ABCG1: variants seen among roughly 807,000 people sequenced by gnomAD.
The protein encoded by ABCG1 is ATP-binding cassette sub-family G member 1.
In ABCG1, 29 loss-of-function variants were observed where a neutral mutation model predicts 69.2. The ratio of observed to expected loss-of-function variants is 0.42; its 90% CI spans 0.31 to 0.57. ABCG1 has a LOEUF of 0.57. ABCG1 is among the 20% of genes least tolerant of loss of function. The pLI, the probability that ABCG1 is intolerant of heterozygous loss-of-function variation, is 0.15. For missense variants in ABCG1, 718 were observed against 898.1 expected (o/e 0.80, Z 2.56); for synonymous variants, 370 against 374.8 (o/e 0.99, Z 0.15).
At chr21:42,216,924 A>G (rs1893591), upstream of ABCG1, among the ~76,000 whole-genome samples, 1 of 151,962 alleles carries the variant, frequency 6.6e-6, no homozygotes, top group Non-Finnish European at 1.5e-5. Flanking sequence ...CGTGGTGGGG[A>G]TTTTGACCCC....
intron 2 of ABCG1, among the ~76,000 whole-genome samples, chr21:42,233,326 G>A (rs899455992): frequency 6.6e-6 from 1 of 152,172 alleles, no homozygotes; most frequent in Non-Finnish European, 1.5e-5. Flanking sequence ...GGAGCCAAAA[G>A]GAGTCGTGCT....
At chr21:42,216,984 A>T (rs1438744841), upstream of ABCG1, among the ~76,000 whole-genome samples, 5 of 152,134 alleles carry the variant, frequency 3.3e-5, no homozygotes, top group Non-Finnish European at 7.4e-5. Flanking sequence ...TGCAACAGAA[A>T]ATCCAGCAGC....
chr21:42,204,622 A>T lies in ABCG1; in HGVS notation c.48+2899A>T, dbSNP rs549730638. ...ATGTGGTATATAATTTTTAAAATAT[A>T]TTCCTGACTCTGTCTGCTAGTATTT... On this transcript the variant is annotated intron_variant, in intron 2 of 15. Transcript: ENST00000398457. Among the ~76,000 whole-genome samples, 166 of 152,278 alleles carry T rather than the reference A, an allele frequency of 1.1e-3. 1 individual carries two copies. Among genetic ancestry groups the T allele is most frequent in the Middle Eastern group, 0.01 (3 of 294 alleles).
In ABCG1 at chr21:42,296,978, A is replaced by G. The variant is rs2069224096; in HGVS notation, c.*586A>G. On this transcript the variant is annotated 3_prime_UTR_variant, in exon 15 of 15. Coordinates refer to ENST00000398449, the MANE Select transcript of ABCG1 (RefSeq NM_016818.3). The surrounding 1 kb of genome is among the most constrained non-coding windows in gnomAD (Gnocchi z 5.4). ...CCTTTTTAGTACTTGCTGAAGAATG[A>G]TTCAGGGTAAATCACATACTTTGTT... 1 of 160,530 alleles carries G rather than the reference A, an allele frequency of 6.2e-6. No homozygotes were observed. Among genetic ancestry groups the G allele is most frequent in the Admixed American group, 5.7e-5 (1 of 17,478 alleles). The allele number at this position is 160,530 out of a possible 1,614,324, so 9.9% of individuals were successfully genotyped here.
intron 6 of ABCG1, among the ~76,000 whole-genome samples, chr21:42,283,819 GCCTGGACAGTTGCA>G (rs2068872268): frequency 1.9e-5 from 1 of 53,852 alleles, no homozygotes; most frequent in Non-Finnish European, 3.6e-5. Context: ...CCTCTGTCCC[GCCTGGACAGTTGCA>G]AAGTCCCCCC....
intron 2 of ABCG1, among the ~76,000 whole-genome samples, chr21:42,260,685 T>C (rs1409953509): frequency 6.6e-6 from 1 of 151,918 alleles, no homozygotes; most frequent in African/African-American, 2.4e-5. Flanking sequence ...GAGAGGAAAA[T>C]ATCCCTTAGC....
At chr21:42,233,024 A>T (rs1399984897) in intron 2 of ABCG1, among the ~76,000 whole-genome samples, 3 of 152,264 alleles carry the variant, frequency 2.0e-5, no homozygotes, top group Admixed American at 6.5e-5. Flanking sequence ...CAACACCTGC[A>T]TAGGAAACTT....
intron 2 of ABCG1, among the ~76,000 whole-genome samples, chr21:42,232,445 G>C (rs1569210939): frequency 6.6e-6 from 1 of 152,210 alleles, no homozygotes; most frequent in African/African-American, 2.4e-5. Flanking sequence ...GCCAACATTG[G>C]CCTTGGGGTC....
intron 2 of ABCG1, among the ~76,000 whole-genome samples, chr21:42,250,416 G>A (rs1191511716): frequency 6.6e-6 from 1 of 152,164 alleles, no homozygotes; most frequent in African/African-American, 2.4e-5. Flanking sequence ...TCCCGTGGGT[G>A]CTCTGGGCAT....
intron 2 of ABCG1, among the ~76,000 whole-genome samples, chr21:42,261,613 A>C (rs1272077910): frequency 6.6e-6 from 1 of 151,990 alleles, no homozygotes; most frequent in African/African-American, 2.4e-5. Context: ...TTGTGAGGAG[A>C]CGCATTGCCT....
chr21:42,278,470 G>A (rs1335777885), intron 5 of ABCG1, among the ~76,000 whole-genome samples: 1 of 152,148 alleles, frequency 6.6e-6, no homozygotes, highest in Admixed American at 6.5e-5. Flanking sequence ...GTTAAAATGG[G>A]GTCATATGGG....
intron 2 of ABCG1, chr21:42,256,323 G>T (rs985421032): frequency 6.5e-7 from 1 of 1,549,338 alleles, no homozygotes; most frequent in African/African-American, 1.4e-5. Flanking sequence ...ACAGAGGGTG[G>T]GCCCTCTCTG....
At chr21:42,244,803 G>C (rs181328565) in intron 2 of ABCG1, among the ~76,000 whole-genome samples, 1 of 152,302 alleles carries the variant, frequency 6.6e-6, no homozygotes, top group Admixed American at 6.5e-5. Context: ...AGAGCTGAGA[G>C]TGACCTTCCC....
At chr21:42,207,919 A>G (rs2067556105) in intron 2 of ABCG1, among the ~76,000 whole-genome samples, 1 of 152,228 alleles carries the variant, frequency 6.6e-6, no homozygotes, top group Non-Finnish European at 1.5e-5. Context: ...CACCCCAGCA[A>G]GGTGGACGAG....
chr21:42,252,405 C>T (rs549409104), intron 2 of ABCG1, among the ~76,000 whole-genome samples: 18 of 152,138 alleles, frequency 1.2e-4, no homozygotes, highest in Admixed American at 3.3e-4. Flanking sequence ...AACCCAGCTC[C>T]TTAATGTCTG....
chr21:42,285,895 C>A lies in ABCG1; in HGVS notation c.874C>A (p.Gln292Lys). Residue 292 changes from glutamine (Q) to lysine (K), a missense_variant, in exon 8 of 15, where the codon CAA (glutamine) becomes AAA (lysine). Physicochemically the swap from Gln to Lys is moderately conservative, Grantham distance 53. Transcript: ENST00000398449. ...TTTTTTCCAGCTTTACGTCCTGAGT[C>A]AAGGACAATGTGTGTACCGGGGAAA... ...ELFDQLYVLS[Q>K]GQCVYRGKVC... The A allele has an allele frequency of 6.2e-7, 1 of 1,613,624 alleles. No homozygotes were observed. The highest frequency in any genetic ancestry group is 1.1e-5 in the South Asian group (1 of 91,054).
intron 2 of ABCG1, among the ~76,000 whole-genome samples, chr21:42,264,474 C>T (rs911992783): frequency 4.3e-5 from 6 of 140,814 alleles, no homozygotes; most frequent in African/African-American, 1.3e-4. Flanking sequence ...TCTATTCATC[C>T]ATCTGTCCAT....
intron 2 of ABCG1, among the ~76,000 whole-genome samples, chr21:42,231,098 G>A (rs569954071): frequency 1.3e-5 from 2 of 152,302 alleles, no homozygotes; most frequent in Non-Finnish European, 2.9e-5. Flanking sequence ...GGATGTCAGC[G>A]GCCATTGGCC....
Position 42,291,008 on chromosome 21 carries a change from C to T in ABCG1, c.1394-84C>T. 1 of 1,003,260 alleles carries T rather than the reference C, an allele frequency of 1.0e-6. No individual in the cohort carries two copies. 62.1% of individuals were successfully genotyped at this position (1,003,260 alleles called of 1,614,324 possible). On this transcript the variant is annotated intron_variant, in intron 11 of 14. Coordinates refer to ENST00000398449, the MANE Select transcript of ABCG1 (RefSeq NM_016818.3). The surrounding 1 kb of genome is among the most constrained non-coding windows in gnomAD (Gnocchi z 6.4). ...GGCCAGAGCTGGGTTACCAGCCGCT[C>T]AGCTCAAGATCGCCTGTTGGGATGT...
Sources: allele counts gnomAD v4.1 joint callset (sites outside exome capture counted in the v4.1 genomes callset), GRCh38; gene constraint gnomAD v4.1.1; non-coding constraint Gnocchi (gnomAD v3.1); transcripts MANE v1.5; gene names NCBI Gene and HGNC (gene_info 2026-07-23, HGNC 2026-07-21).